The following RPS6KA2 variants were observed in gnomAD, a reference collection of about 807,000 sequenced individuals.
RPS6KA2 encodes the protein ribosomal protein S6 kinase A2.
A neutral mutation model predicts 91.8 loss-of-function variants in RPS6KA2; 42 were observed. That is an observed-to-expected ratio of 0.46 (90% CI 0.36 to 0.59). The LOEUF (loss-of-function observed/expected upper bound fraction) is 0.59. Ranked by LOEUF, RPS6KA2 falls within the 20% of genes least tolerant of loss-of-function variation. The probability of loss-of-function intolerance (pLI) is 0.00; values close to 1 mark genes in which losing one functional copy is unlikely to be tolerated. For missense variants in RPS6KA2, 798 were observed against 978.5 expected, an observed-to-expected ratio of 0.82 and a Z score of 2.46; for synonymous variants, 414 against 393.6, an observed-to-expected ratio of 1.05 and a Z score of -0.61.
At chr6:166,588,092 G>T (rs1332136319) in intron 1 of RPS6KA2, among the ~76,000 whole-genome samples, 1 of 152,152 alleles carries the variant, frequency 6.6e-6, no homozygotes, top group Non-Finnish European at 1.5e-5. Context: ...AAGAAACAGG[G>T]GACCTTCGTT....
At chr6:166,699,108 C>T (rs1057118263) in intron 2 of RPS6KA2, among the ~76,000 whole-genome samples, 7 of 151,940 alleles carry the variant, frequency 4.6e-5, no homozygotes, top group African/African-American at 1.7e-4. Context: ...GAGTAGATGA[C>T]AACTAAGAGG....
rs374761936 is a variant in RPS6KA2 at position 166,529,449 on chromosome 6, A to G, written c.298+1783T>C. On this transcript the variant is annotated intron_variant, in intron 3 of 20. Coordinates refer to ENST00000265678, the MANE Select transcript of RPS6KA2 (RefSeq NM_021135.6). ...GGTGGAGGGATGGGGGAGGGATAGC[A>G]TTAGGAGATGTACCTAATGTAAATG... Among the ~76,000 whole-genome samples, 133 of 152,294 alleles carry G rather than the reference A, an allele frequency of 8.7e-4. 4 individuals carry two copies. In the South Asian group the frequency reaches 0.026, roughly 30 times the overall value.
At chr6:166,668,171 T>C (rs1161630428) in intron 2 of RPS6KA2, among the ~76,000 whole-genome samples, 1 of 152,184 alleles carries the variant, frequency 6.6e-6, no homozygotes, top group African/African-American at 2.4e-5. Context: ...AAGCGAGGTT[T>C]GGTTTCCCTG....
chr6:166,443,854 TA>T (rs1779596434), intron 14 of RPS6KA2, among the ~76,000 whole-genome samples: 1 of 152,226 alleles, frequency 6.6e-6, no homozygotes. Flanking sequence ...ACCATTTTCT[TA>T]ACTTTTTAAA....
In RPS6KA2 at chr6:166,648,860, C is replaced by G. The variant is rs1051238569; in HGVS notation, c.124-110076G>C. On this transcript the variant is annotated intron_variant, in intron 2 of 21. Transcript: ENST00000503859. This position sits in a 1 kb window ranked among gnomAD's most constrained non-coding sequence, Gnocchi z 4.8. ...TCTCATTCTGTCTCTCCTCACCCCC[C>G]TTATGCATTTCACCCATCACCAAGG... 6.6e-6 allele frequency among the ~76,000 whole-genome samples: 1 copy of G among 152,282 alleles called. No individual in the cohort carries two copies. The highest frequency in any genetic ancestry group is 1.9e-4 in the East Asian group (1 of 5,180).
chr6:166,848,850 A>G (rs999123505), intron 2 of RPS6KA2, among the ~76,000 whole-genome samples: 1 of 152,142 alleles, frequency 6.6e-6, no homozygotes, highest in Non-Finnish European at 1.5e-5. Flanking sequence ...AATCACCACT[A>G]AAGAACTTAT....
chr6:166,459,679 G>A lies in RPS6KA2; in HGVS notation c.973-128C>T, dbSNP rs975728839. The A allele has an allele frequency of 3.2e-6, 2 of 617,826 alleles. No individual in the cohort carries two copies. The allele number at this position is 617,826 out of a possible 1,614,324, so 38.3% of individuals were successfully genotyped here. A position where few individuals can be genotyped will look rare whatever the true frequency, so the allele number is the denominator to read the frequency against. ...TATCACAGACTGCATTGGCCTTGTGGATTACAAGGGATTTCTAAATACTCT... is the reference window on the plus strand; with the variant it reads ...TATCACAGACTGCATTGGCCTTGTGAATTACAAGGGATTTCTAAATACTCT... On this transcript the variant is annotated intron_variant, in intron 11 of 20. Transcript: ENST00000265678. The surrounding 1 kb of genome is among the most constrained non-coding windows in gnomAD (Gnocchi z 4.9).
chr6:166,475,654 T>C, intron 10 of RPS6KA2: 1 of 385,188 alleles, frequency 2.6e-6, no homozygotes, highest in South Asian at 2.2e-5. Context: ...CAGCACCTGC[T>C]ACGGGCATTC....
chr6:166,440,350 G>A (rs1290757653), intron 14 of RPS6KA2: 1 of 152,178 alleles, frequency 6.6e-6, no homozygotes, highest in African/African-American at 2.4e-5. Context: ...GAGGGGCTGA[G>A]CATACGAGAA....
Position 166,432,425 on chromosome 6 carries a change from G to A in RPS6KA2, c.1398C>T (p.His466=). Residue 466 remains histidine (H), a synonymous_variant, in exon 15 of 21, where the codon CAC becomes CAT. Transcript: ENST00000265678. ...CATCCTTGAGGGTGATGATGTTCGG[G>A]TGCTGGCCGTACCGCAGGAGGATCT... is the stretch of plus-strand genomic sequence containing the variant. ...EIEILLRYGQ[H]PNIITLKDVY... The A allele has an allele frequency of 6.2e-7, 1 of 1,613,156 alleles. No homozygotes were observed. The highest frequency in any genetic ancestry group is 1.3e-5 in the African/African-American group (1 of 75,036).
intron 2 of RPS6KA2, among the ~76,000 whole-genome samples, chr6:166,805,401 G>T (rs937983503): frequency 1.3e-5 from 2 of 152,136 alleles, no homozygotes; most frequent in Non-Finnish European, 2.9e-5. Context: ...TGACTTCCAG[G>T]AGATTTAAAG....
intron 2 of RPS6KA2, among the ~76,000 whole-genome samples, chr6:166,811,522 G>C (rs186690204): frequency 2.3e-4 from 35 of 152,340 alleles, no homozygotes; most frequent in African/African-American, 7.9e-4. Flanking sequence ...TGCTCCAGAG[G>C]CTGAGGTGGG....
At chr6:166,763,455 A>C (rs779473456) in intron 2 of RPS6KA2, among the ~76,000 whole-genome samples, 3 of 152,164 alleles carry the variant, frequency 2.0e-5, no homozygotes, top group Non-Finnish European at 4.4e-5. Context: ...TTATCTGTAA[A>C]ATGGGAGAGA....
At chr6:166,480,822 G>C (rs2128469837) in intron 10 of RPS6KA2, among the ~76,000 whole-genome samples, 1 of 151,806 alleles carries the variant, frequency 6.6e-6, no homozygotes, top group Non-Finnish European at 1.5e-5. Flanking sequence ...GCCAATTTTT[G>C]TATTTTTGGT....
rs558650507 is a variant in RPS6KA2 at position 166,433,088 on chromosome 6, G to A, written c.1333-598C>T. The stretch of plus-strand genomic sequence containing the variant: ...AGACACGTGTAGGGAGCTCATGCAA[G>A]TGCCACCAAATAACAGACTGTGTCC... On this transcript the variant is annotated intron_variant, in intron 14 of 20. Coordinates refer to ENST00000265678, the MANE Select transcript of RPS6KA2 (RefSeq NM_021135.6). This position sits in a 1 kb window ranked among gnomAD's most constrained non-coding sequence, Gnocchi z 4.4. Among the ~76,000 whole-genome samples, 5 of 150,918 alleles carry A rather than the reference G, an allele frequency of 3.3e-5. 1 individual carries two copies. The South Asian group carries it at 8.4e-4, about 25-fold the overall frequency.
At chr6:166,765,056 C>T (rs1778275478) in intron 2 of RPS6KA2, among the ~76,000 whole-genome samples, 1 of 133,148 alleles carries the variant, frequency 7.5e-6, no homozygotes, top group African/African-American at 3.3e-5. Context: ...GGGCTTTCTC[C>T]TCCCTGCCAG....
intron 2 of RPS6KA2, among the ~76,000 whole-genome samples, chr6:166,839,192 C>T (rs1211989773): frequency 5.3e-5 from 8 of 152,188 alleles, no homozygotes; most frequent in South Asian, 2.1e-4. Context: ...GGGACCCGCG[C>T]GTAAGTCATG....
At chr6:166,680,930 C>T (rs1194284977) in intron 2 of RPS6KA2, among the ~76,000 whole-genome samples, 1 of 152,230 alleles carries the variant, frequency 6.6e-6, no homozygotes, top group Non-Finnish European at 1.5e-5. Context: ...TGCTGCCCCT[C>T]TCCTCCCATT....
At chr6:166,616,591 C>A (rs919961866) in intron 1 of RPS6KA2, among the ~76,000 whole-genome samples, 6 of 152,210 alleles carry the variant, frequency 3.9e-5, no homozygotes, top group African/African-American at 1.4e-4. Context: ...ACATGCAGAA[C>A]CCCCGACCCT....
Sources: allele counts gnomAD v4.1 joint callset (sites outside exome capture counted in the v4.1 genomes callset), GRCh38; gene constraint gnomAD v4.1.1; non-coding constraint Gnocchi (gnomAD v3.1); transcripts MANE v1.5; gene names NCBI Gene and HGNC (gene_info 2026-07-23, HGNC 2026-07-21).